Variants in DNMT1 observed in about 807,000 individuals in gnomAD.
DNMT1 encodes DNA methyltransferase 1, also known as DNA (cytosine-5)-methyltransferase 1.
In DNMT1, 24 loss-of-function variants were observed where a neutral mutation model predicts 205.3. The observed-to-expected ratio is 0.12, with a 90% CI of 0.08 to 0.16. The LOEUF is 0.16. DNMT1 is among the 10% of genes least tolerant of loss of function. The pLI is 1.00. For missense variants in DNMT1, 1,293 were observed against 2,177.7 expected (o/e 0.59, Z 8.09); for synonymous variants, 817 against 839.8 (o/e 0.97, Z 0.47).
At chr19:10,152,191 G>GAAAAAAAAAAAAAAAAAAAAAAA (rs1172451605) in intron 22 of DNMT1, among the ~76,000 whole-genome samples, 1 of 50,018 alleles carries the variant, frequency 2.0e-5, no homozygotes, top group African/African-American at 8.2e-5. Context: ...AAAAAAAAAG[G>GAAAAAAAAAAAAAAAAAAAAAAA]AAAAAAAAAG....
chr19:10,155,638 C>T (rs1052070807), intron 19 of DNMT1, among the ~76,000 whole-genome samples: 4 of 151,908 alleles, frequency 2.6e-5, no homozygotes, highest in Admixed American at 2.0e-4. Context: ...CCACCATATC[C>T]GGCCAAGACC....
At chr19:10,164,820 C>G (rs1034712599) in intron 11 of DNMT1, among the ~76,000 whole-genome samples, 2 of 147,002 alleles carry the variant, frequency 1.4e-5, no homozygotes, top group African/African-American at 5.0e-5. Context: ...CCCAGCTACT[C>G]AGGAGGCTGA....
intron 28 of DNMT1, among the ~76,000 whole-genome samples, chr19:10,145,946 T>C (rs2038190128): frequency 6.6e-6 from 1 of 152,112 alleles, no homozygotes; most frequent in African/African-American, 2.4e-5. Flanking sequence ...CTCCTGTCTC[T>C]GCCTCTCGAG....
At chr19:10,190,919 C>G (rs1396340870) in intron 1 of DNMT1, among the ~76,000 whole-genome samples, 1 of 151,986 alleles carries the variant, frequency 6.6e-6, no homozygotes, top group Non-Finnish European at 1.5e-5. Flanking sequence ...TTGAAACCAG[C>G]CTGGTCAACA....
At chr19:10,145,067 T>C (rs2038169187) in intron 28 of DNMT1, among the ~76,000 whole-genome samples, 1 of 152,226 alleles carries the variant, frequency 6.6e-6, no homozygotes, top group Non-Finnish European at 1.5e-5. Flanking sequence ...CTACCCTGAC[T>C]AAGGCTCTGA....
intron 1 of DNMT1, among the ~76,000 whole-genome samples, chr19:10,183,124 T>TA (rs1178953339): frequency 8.3e-6 from 1 of 120,422 alleles, no homozygotes; most frequent in Non-Finnish European, 1.7e-5. Flanking sequence ...TATATATATA[T>TA]ATTTTTTTTT....
chr19:10,159,652 A>G lies in DNMT1; in HGVS notation c.1280+6T>C, dbSNP rs892971788. On this transcript the variant is annotated splice_donor_region_variant and intron_variant, in intron 17 of 40. Transcript: ENST00000359526. This position sits in a 1 kb window ranked among gnomAD's most constrained non-coding sequence, Gnocchi z 5.0. The stretch of plus-strand genomic sequence containing the variant: ...GAAGCAAACATGCACACGAAAGTGC[A>G]CTTACCTGAAGCAGGTCAGTTTGTG... 2.5e-6 allele frequency: 4 copies of G among 1,614,140 alleles called. No homozygotes were observed. Among genetic ancestry groups the G allele is most frequent in the Admixed American group, 3.3e-5 (2 of 60,018 alleles).
Position 10,159,947 on chromosome 19 carries a change from T to C in DNMT1, c.1090-25A>G, listed in dbSNP as rs1417714352. On this transcript the variant is annotated intron_variant, in intron 15 of 40. Coordinates refer to ENST00000359526, the MANE Select transcript of DNMT1 (RefSeq NM_001130823.3). This position sits in a 1 kb window ranked among gnomAD's most constrained non-coding sequence, Gnocchi z 5.0. The stretch of plus-strand genomic sequence containing the variant: ...TCTGTGGGAGCAGGAACACAGATGA[T>C]GGCACTCAGAGAGCAGCTCCCAGCC... 4 of 1,614,196 alleles carry C rather than the reference T, an allele frequency of 2.5e-6. No individual in the cohort carries two copies.
chr19:10,141,491 T>C, intron 30 of DNMT1: 2 of 429,072 alleles, frequency 4.7e-6, no homozygotes, highest in Admixed American at 3.6e-5. Context: ...ACCTCATCCA[T>C]GCCTGGGAGA....
intron 1 of DNMT1, among the ~76,000 whole-genome samples, chr19:10,187,779 G>A (rs1471297352): frequency 1.3e-5 from 2 of 152,066 alleles, no homozygotes; most frequent in Non-Finnish European, 2.9e-5. Context: ...GAGGCGGGAG[G>A]ATCACTAGAG....
chr19:10,134,102 TG>T (rs1427322389), intron 40 of DNMT1, 114 bp downstream of exon 40: 3 of 1,059,586 alleles, frequency 2.8e-6, no homozygotes, highest in African/African-American at 1.6e-5. Flanking sequence ...GCCACGAACG[TG>T]GGTAGGTGAC....
Position 10,138,927 on chromosome 19 carries a change from C to T in DNMT1, c.3949-322G>A, listed in dbSNP as rs2089548767. On this transcript the variant is annotated intron_variant, in intron 34 of 40. Transcript: ENST00000359526. The surrounding 1 kb of genome is among the most constrained non-coding windows in gnomAD (Gnocchi z 4.1). ...GGGGAGAACACTGGAGACCAGGAGC[C>T]CTGTCGCTTCCCTGATGGCTGTGGT... Among the ~76,000 whole-genome samples, 1 of 152,160 alleles carries T rather than the reference C, an allele frequency of 6.6e-6. No homozygotes were observed. Among genetic ancestry groups the T allele is most frequent in the Non-Finnish European group, 1.5e-5 (1 of 68,026 alleles).
At chr19:10,186,304 G>C (rs1308634290) in intron 1 of DNMT1, among the ~76,000 whole-genome samples, 1 of 152,180 alleles carries the variant, frequency 6.6e-6, no homozygotes, top group Non-Finnish European at 1.5e-5. Flanking sequence ...CCCCAGAGTG[G>C]CAGGTGGGAT....
At chr19:10,194,430 G>T (rs1427259063) in intron 1 of DNMT1, 2 of 165,998 alleles carry the variant, frequency 1.2e-5, no homozygotes, top group Admixed American at 6.4e-5. Flanking sequence ...GCCGGTGCCC[G>T]AGGGGTGTCC....
Position 10,156,639 on chromosome 19 carries a change from A to T in DNMT1, c.1281-130T>A. ...CACTCTTTTTTTGTTTGTTTTTGAGACAGAGTCTTGCTCTATCCCTCAGGC... is the reference window on the plus strand; with the variant it reads ...CACTCTTTTTTTGTTTGTTTTTGAGTCAGAGTCTTGCTCTATCCCTCAGGC... On this transcript the variant is annotated intron_variant, in intron 17 of 40. Transcript: ENST00000359526. The surrounding 1 kb of genome is among the most constrained non-coding windows in gnomAD (Gnocchi z 4.2). The T allele has an allele frequency of 5.6e-6, 4 of 718,940 alleles. No individual in the cohort carries two copies. The highest frequency in any genetic ancestry group is 9.9e-6 in the Non-Finnish European group (4 of 405,114). The allele number at this position is 718,940 out of a possible 1,614,324, so 44.5% of individuals were successfully genotyped here.
At chr19:10,173,220 T>C (rs377434366) in intron 8 of DNMT1, 46 bp from the exon 9 acceptor site, 1 of 1,601,766 alleles carries the variant, frequency 6.2e-7, no homozygotes, top group Non-Finnish European at 8.6e-7. Flanking sequence ...TGCCAGGAGC[T>C]TCCCCAAAGA....
Position 10,149,906 on chromosome 19 carries a change from C to T in DNMT1, c.2328G>A (p.Gly776=). The change falls in exon 25 of 41, where the codon GGG becomes GGA. Residue 776 remains glycine, a synonymous_variant. Coordinates refer to ENST00000359526, the MANE Select transcript of DNMT1 (RefSeq NM_001130823.3). ...CATCTGGAATAACAGAGACACAGTC[C>T]CCCACTTCCAGGGTTTCCGCATCAA... The part of the protein sequence containing the change: ...VCIDAETLEV[G]DCVSVIPDDS... The T allele has an allele frequency of 1.2e-6, 2 of 1,614,158 alleles. No homozygotes were observed. Among genetic ancestry groups the T allele is most frequent in the Non-Finnish European group, 8.5e-7 (1 of 1,180,034 alleles).
chr19:10,151,915 T>A lies in DNMT1; in HGVS notation c.2020-68A>T. 6.7e-7 allele frequency: 1 copy of A among 1,486,472 alleles called. No individual in the cohort carries two copies. The highest frequency in any genetic ancestry group is 2.3e-5 in the East Asian group (1 of 44,196). The allele number at this position is 1,486,472 out of a possible 1,614,324, so 92.1% of individuals were successfully genotyped here. A position where few individuals can be genotyped will look rare whatever the true frequency, so the allele number is the denominator to read the frequency against. On this transcript the variant is annotated intron_variant, in intron 22 of 40. Transcript: ENST00000359526. The surrounding 1 kb of genome is among the most constrained non-coding windows in gnomAD (Gnocchi z 5.0). The stretch of plus-strand genomic sequence containing the variant: ...TGGTTCATGCCTGTAATCCCAGTAT[T>A]TCAGAAGGCCGAGGCAGGCAGATCA...
intron 7 of DNMT1, 119 bp from the exon 8 acceptor site, chr19:10,174,024 A>C: frequency 9.7e-7 from 1 of 1,026,020 alleles, no homozygotes; most frequent in East Asian, 2.5e-5. Context: ...AGAGTGGGAA[A>C]AGAAGGGGCC....
Sources: allele counts gnomAD v4.1 joint callset (sites outside exome capture counted in the v4.1 genomes callset), GRCh38; gene constraint gnomAD v4.1.1; non-coding constraint Gnocchi (gnomAD v3.1); transcripts MANE v1.5; gene names NCBI Gene and HGNC (gene_info 2026-07-23, HGNC 2026-07-21).